Variants in FTSJ1 observed in about 807,000 individuals in gnomAD.
FTSJ1 encodes the protein FtsJ RNA 2'-O-methyltransferase 1, also known as tRNA (cytidine(32)/guanosine(34)-2'-O)-methyltransferase.
Under a neutral mutation model 28.5 loss-of-function variants are expected in FTSJ1, and 3 were observed. The ratio of observed to expected loss-of-function variants is 0.11; its 90% CI spans 0.05 to 0.27. FTSJ1 has a LOEUF of 0.27. Among genes scored for constraint, FTSJ1 ranks in the 10% least tolerant of loss-of-function variants. FTSJ1 has a pLI of 1.00. For missense variants in FTSJ1, 162 were observed against 279.0 expected (o/e 0.58, Z 2.99); for synonymous variants, 104 against 113.9 (o/e 0.91, Z 0.55).
intron 12 of FTSJ1, among the ~76,000 whole-genome samples, chrX:48,485,016 G>A (rs1251106117): frequency 8.9e-6 from 1 of 111,901 alleles, no homozygotes; most frequent in Non-Finnish European, 1.9e-5. Flanking sequence ...CTAGAGGCCG[G>A]GTGCCGTGGC....
rs1241728154 is a variant in FTSJ1 at position 48,482,490 on chromosome X, G to T, written c.743G>T (p.Arg248Leu). Residue 248 changes from arginine to leucine, a missense_variant, in exon 10 of 13, where the codon CGC (arginine) becomes CTC (leucine). Transcript: ENST00000348411. ...CGDLSSYDSD[R>L]SYPLDLEGGS... The stretch of plus-strand genomic sequence containing the variant: ...GACCTGAGCTCCTATGATTCGGACC[G>T]CAGTTACCCACTGGACGTGAGTGCC... 1 of 1,198,776 alleles carries T rather than the reference G, an allele frequency of 8.3e-7. No homozygotes were observed. Among genetic ancestry groups the T allele is most frequent in the East Asian group, 3.0e-5 (1 of 33,702 alleles).
In FTSJ1 at chrX:48,485,495, A is replaced by AT. The variant is rs1556969863; in HGVS notation, c.*10-240dup. Among the ~76,000 whole-genome samples the AT allele has an allele frequency of 1.8e-3, 5 of 2,718 alleles. No individual in the cohort carries two copies. The African/African-American group carries it at 0.029, about 16-fold the overall frequency. The allele number at this position is 2,718 out of a possible 115,157, so 2.4% of individuals were successfully genotyped here. ...CATTTTCTATATGTCATGGTTCACC[A>AT]TAAAAGGAGGAAATGTCACAAAAAT... On this transcript the variant is annotated intron_variant, in intron 12 of 12. Transcript: ENST00000348411.
At chrX:48,477,045 G>C (rs1379655811) in intron 1 of FTSJ1, among the ~76,000 whole-genome samples, 2 of 110,888 alleles carry the variant, frequency 1.8e-5, no homozygotes, top group Non-Finnish European at 3.8e-5. Flanking sequence ...GTCAGAGTCA[G>C]TAGTTGGGCT....
chrX:48,479,374 C>T (rs2147092275), intron 5 of FTSJ1, among the ~76,000 whole-genome samples: 1 of 112,600 alleles, frequency 8.9e-6, no homozygotes, highest in African/African-American at 3.2e-5. Flanking sequence ...CATCTCTCTG[C>T]AACTGTCCAA....
intron 12 of FTSJ1, among the ~76,000 whole-genome samples, chrX:48,484,073 C>CT (rs1184968231): frequency 2.3e-4 from 24 of 104,830 alleles, no homozygotes; most frequent in East Asian, 5.9e-4. Flanking sequence ...AAAAAGCCAC[C>CT]TTTTTTTTTT....
At chrX:48,485,301 A>G (rs370305209) in intron 12 of FTSJ1, among the ~76,000 whole-genome samples, 17 of 111,041 alleles carry the variant, frequency 1.5e-4, no homozygotes, top group African/African-American at 4.9e-4. Flanking sequence ...CTCAAAAAAA[A>G]GGAAATGAGT....
chrX:48,478,305 A>C, intron 2 of FTSJ1, 137 bp downstream of exon 2: 1 of 836,889 alleles, frequency 1.2e-6, no homozygotes, highest in East Asian at 3.4e-5. Flanking sequence ...GCAGGAAGAT[A>C]GGCAGAATAC....
chrX:48,477,859 G>A (rs1349154806), intron 1 of FTSJ1, 102 bp from the exon 2 acceptor site: 1 of 565,984 alleles, frequency 1.8e-6, no homozygotes, highest in African/African-American at 2.3e-5. Context: ...TATAAGGTCA[G>A]TGGGGTCAGT....
At chrX:48,477,679 G>A (rs2061541765) in intron 1 of FTSJ1, among the ~76,000 whole-genome samples, 1 of 110,981 alleles carries the variant, frequency 9.0e-6, no homozygotes, top group Non-Finnish European at 1.9e-5. Flanking sequence ...TGTGTGGAGT[G>A]TGGGTGACAG....
rs2061602635 is a variant in FTSJ1, at chrX:48,486,334, A to G, written c.*608A>G. The G allele has an allele frequency of 8.9e-6, 1 of 112,127 alleles. No individual in the cohort carries two copies. Among genetic ancestry groups the G allele is most frequent in the Admixed American group, 9.5e-5 (1 of 10,539 alleles). The allele number at this position is 112,127 out of a possible 1,213,427, so 9.2% of individuals were successfully genotyped here. On this transcript the variant is annotated 3_prime_UTR_variant, in exon 13 of 13. Transcript: ENST00000348411. ...TGTTTCAATTTAATATATAGTAATA[A>G]TTGTAATTCAATGTAATTGGCTTCC...
chrX:48,482,252 T>G (rs782718898), intron 9 of FTSJ1, 151 bp from the exon 10 acceptor site: 1 of 491,829 alleles, frequency 2.0e-6, no homozygotes. Flanking sequence ...CCCGAGGAGG[T>G]GATCTGAACC....
At position 48,482,599 on chromosome X, in the gene FTSJ1, A is replaced by G. The variant is rs143734567; in HGVS notation, c.762A>G (p.Leu254=). The part of the protein sequence containing the change: ...YDSDRSYPLD[L]EGGSEYKYTP... ...TCCCTACCCCTCTGTCCCTGCAGCTAGAGGGCGGCTCAGAGTACAAGTACA... is the reference window on the plus strand; with the variant it reads ...TCCCTACCCCTCTGTCCCTGCAGCTGGAGGGCGGCTCAGAGTACAAGTACA... The change falls in exon 11 of 13, where the codon CTA becomes CTG. Residue 254 remains leucine (L), a splice_region_variant and synonymous_variant. Transcript: ENST00000348411. 2.0e-4 allele frequency: 241 copies of G among 1,197,987 alleles called. No individual in the cohort carries two copies. Among genetic ancestry groups the G allele is most frequent in the Non-Finnish European group, 2.7e-4 (237 of 888,646 alleles).
chrX:48,484,114 G>C (rs183274351), intron 12 of FTSJ1, among the ~76,000 whole-genome samples: 457 of 109,454 alleles, frequency 4.2e-3, no homozygotes, highest in Non-Finnish European at 6.6e-3. Context: ...CTGTTACCCA[G>C]GCTGGAGTGC....
In FTSJ1 at chrX:48,478,463, G is replaced by A. The variant is rs781920673; in HGVS notation, c.136G>A (p.Val46Ile). 7.4e-6 allele frequency: 9 copies of A among 1,208,246 alleles called. No homozygotes were observed. The highest frequency in any genetic ancestry group is 2.7e-4 in the Middle Eastern group (1 of 3,638). Residue 46 changes from valine (V) to isoleucine (I), a missense_variant, in exon 3 of 13, where the codon GTT becomes ATT. Physicochemically the swap from Val to Ile is conservative, Grantham distance 29 (BLOSUM62 3). Transcript: ENST00000348411. Reference protein sequence around the residue: ...FQLFQGVTRAVDLCAAPGSWS... With the variant: ...FQLFQGVTRAIDLCAAPGSWS... Reference sequence around the variant, plus strand: ...TGTATGCCCAGGCGTGACACGGGCAGTTGACCTGTGTGCAGCCCCAGGCAG... The same window carrying A: ...TGTATGCCCAGGCGTGACACGGGCAATTGACCTGTGTGCAGCCCCAGGCAG...
chrX:48,479,038 C>A lies in FTSJ1; in HGVS notation c.283C>A (p.Leu95Met), dbSNP rs2061551855. 1 of 1,195,708 alleles carries A rather than the reference C, an allele frequency of 8.4e-7. No homozygotes were observed. The highest frequency in any genetic ancestry group is 1.1e-6 in the Non-Finnish European group (1 of 880,541). ...CCACTCATCCTCCCTCTCTCCATAGCTGTCCACTGCCAAGGAGATCATCCA... is the reference window on the plus strand; with the variant it reads ...CCACTCATCCTCCCTCTCTCCATAGATGTCCACTGCCAAGGAGATCATCCA... ...VVQIQGDITQLSTAKEIIQHF... is the reference protein window; with the variant it reads ...VVQIQGDITQMSTAKEIIQHF... Residue 95 changes from leucine (L) to methionine (M), a missense_variant and splice_region_variant, in exon 5 of 13, where the codon CTG becomes ATG. By Grantham distance (15) the Leu-to-Met change is conservative (BLOSUM62 2). Coordinates refer to ENST00000348411, the MANE Select transcript of FTSJ1 (RefSeq NM_012280.4).
At chrX:48,477,881 A>T in intron 1 of FTSJ1, 80 bp from the exon 2 acceptor site, 1 of 716,092 alleles carries the variant, frequency 1.4e-6, no homozygotes, top group Non-Finnish European at 2.1e-6. Flanking sequence ...CCAGGGCTTC[A>T]GTCAGCCCAT....
chrX:48,477,924 G>A (rs1312497788), intron 1 of FTSJ1, 37 bp from the exon 2 acceptor site: 3 of 1,034,704 alleles, frequency 2.9e-6, no homozygotes, highest in Non-Finnish European at 4.0e-6. Flanking sequence ...GGTCAGATGA[G>A]CCCAGTTTAG....
chrX:48,480,099 G>A (rs781993275), intron 5 of FTSJ1, among the ~76,000 whole-genome samples: 1 of 110,368 alleles, frequency 9.1e-6, no homozygotes, highest in Non-Finnish European at 1.9e-5. Flanking sequence ...AGCTGAGATC[G>A]CACCATTGCA....
intron 1 of FTSJ1, chrX:48,476,673 T>G (rs782069119): frequency 2.3e-4 from 31 of 134,738 alleles, no homozygotes; most frequent in Non-Finnish European, 4.2e-4. Flanking sequence ...TTTGAGGTAT[T>G]GATGAGGAGG....
Sources: allele counts gnomAD v4.1 joint callset (sites outside exome capture counted in the v4.1 genomes callset), GRCh38; gene constraint gnomAD v4.1.1; transcripts MANE v1.5; gene names NCBI Gene and HGNC (gene_info 2026-07-23, HGNC 2026-07-21).